The following AAK1 variants were observed in gnomAD, a reference collection of about 807,000 sequenced individuals.
The protein encoded by AAK1 is AP2 associated kinase 1, also known as AP2-associated protein kinase 1.
In AAK1, 37 loss-of-function variants were observed where a neutral mutation model predicts 116.0. The ratio of observed to expected loss-of-function variants is 0.32; its 90% CI spans 0.25 to 0.42. The LOEUF (loss-of-function observed/expected upper bound fraction) is 0.42. AAK1 is among the 10% of genes least tolerant of loss of function. The probability of loss-of-function intolerance (pLI) is 1.00; values close to 1 mark genes in which losing one functional copy is unlikely to be tolerated. For missense variants in AAK1, 919 were observed against 1,170.6 expected, an observed-to-expected ratio of 0.79 and a Z score of 3.14; for synonymous variants, 458 against 439.9, an observed-to-expected ratio of 1.04 and a Z score of -0.51.
intron 2 of AAK1, among the ~76,000 whole-genome samples, chr2:69,602,707 T>G (rs1673631761): frequency 6.6e-6 from 1 of 152,182 alleles, no homozygotes; most frequent in Admixed American, 6.5e-5. Flanking sequence ...CTTCCTCCTT[T>G]GATACTGCAG....
At chr2:69,482,883 A>T in intron 17 of AAK1, 71 bp from the exon 18 acceptor site, 1 of 932,196 alleles carries the variant, frequency 1.1e-6, no homozygotes, top group Admixed American at 2.1e-5. Flanking sequence ...ATCATTCACT[A>T]TTCTTTAAGC....
intron 2 of AAK1, among the ~76,000 whole-genome samples, chr2:69,592,739 C>T (rs546724143): frequency 2.6e-5 from 4 of 152,304 alleles, no homozygotes; most frequent in African/African-American, 9.6e-5. Context: ...CAGTTCTACC[C>T]TGAGATTCAC....
rs758565093 is a variant in AAK1, at chr2:69,527,299, G to A, written c.892C>T (p.Pro298Ser). The change falls in exon 9 of 22, where the codon CCT becomes TCT. Residue 298 changes from proline (P) to serine (S), a missense_variant. Coordinates refer to ENST00000409085, the MANE Select transcript of AAK1 (RefSeq NM_014911.5). ...CLIRYMLEPD[P>S]DKRPDIYQVS... ...TGGTAAATATCCGGCCTTTTGTCAG[G>A]GTCTGGTTCCAACATATACCCTAAG... The A allele has an allele frequency of 6.2e-7, 1 of 1,606,348 alleles. No homozygotes were observed. The highest frequency in any genetic ancestry group is 1.1e-5 in the South Asian group (1 of 89,460).
rs1399635877 is a variant in AAK1 at position 69,509,400 on chromosome 2, C to T, written c.1837G>A (p.Gly613Arg). The T allele has an allele frequency of 5.6e-6, 9 of 1,613,892 alleles. 1 individual carries two copies. In the South Asian group the frequency reaches 9.9e-5, roughly 18 times the overall value. The change falls in exon 14 of 22, where the codon GGG (glycine) becomes AGG (arginine). Residue 613 changes from glycine (G) to arginine (R), a missense_variant. Physicochemically the swap from Gly to Arg is moderately radical, Grantham distance 125. This residue lies in a region of AAK1 where 125 missense variants were observed against 184.1 expected (regional missense o/e 0.68). Transcript: ENST00000409085. ...GGAGTGAGAGATCCAACTTTCTGCC[C>T]CTGGACGGCAGGAGGTGGGGTTGTC... is the stretch of plus-strand genomic sequence containing the variant. Reference protein sequence around the residue: ...VQTTPPPAVQGQKVGSLTPPS... With the variant: ...VQTTPPPAVQRQKVGSLTPPS...
chr2:69,601,131 A>G (rs1344135285), intron 2 of AAK1, among the ~76,000 whole-genome samples: 2 of 152,112 alleles, frequency 1.3e-5, no homozygotes, highest in Non-Finnish European at 2.9e-5. Flanking sequence ...AAGTTGTGTG[A>G]CTCCCTTTAC....
chr2:69,616,828 T>C (rs1345372208), intron 2 of AAK1, among the ~76,000 whole-genome samples: 1 of 152,188 alleles, frequency 6.6e-6, no homozygotes, highest in Non-Finnish European at 1.5e-5. Context: ...TGTGACTCAT[T>C]GTTTCCTGCC....
chr2:69,634,725 A>G (rs1675372947), intron 2 of AAK1, among the ~76,000 whole-genome samples: 1 of 152,244 alleles, frequency 6.6e-6, no homozygotes, highest in Non-Finnish European at 1.5e-5. Flanking sequence ...TTTCATGAAG[A>G]CAGACTATTC....
intron 1 of AAK1, 70 bp from the exon 2 acceptor site, chr2:69,643,344 G>T: frequency 8.1e-7 from 1 of 1,238,062 alleles, no homozygotes; most frequent in Non-Finnish European, 1.0e-6. Flanking sequence ...CTGAGTCCTA[G>T]GGGGAGCAAA....
intron 3 of AAK1, among the ~76,000 whole-genome samples, chr2:69,549,633 G>A (rs13388011): frequency 6.6e-6 from 1 of 152,184 alleles, no homozygotes; most frequent in Non-Finnish European, 1.5e-5. Flanking sequence ...TATTAATGCA[G>A]CTAAACATTA....
Position 69,479,062 on chromosome 2 carries a change from C to A in AAK1, c.2570-1G>T. On this transcript the variant is annotated splice_acceptor_variant, in intron 19 of 21. Transcript: ENST00000409085. LOFTEE classifies it high-confidence loss of function. Reference sequence around the variant, plus strand: ...AGGGAATCTTCCCCGGTGAGAGAATCTGAGTCCAGATTAACAGCATCCCAG... The same window carrying A: ...AGGGAATCTTCCCCGGTGAGAGAATATGAGTCCAGATTAACAGCATCCCAG... The A allele has an allele frequency of 6.2e-7, 1 of 1,603,820 alleles. No homozygotes were observed. Among genetic ancestry groups the A allele is most frequent in the East Asian group, 2.2e-5 (1 of 44,808 alleles).
At chr2:69,542,913 C>T (rs1008726393) in intron 4 of AAK1, among the ~76,000 whole-genome samples, 1 of 152,172 alleles carries the variant, frequency 6.6e-6, no homozygotes, top group Admixed American at 6.5e-5. Flanking sequence ...CAGATGTGAG[C>T]TGCCCTCATT....
chr2:69,587,424 CAT>C (rs750721541), intron 2 of AAK1, among the ~76,000 whole-genome samples: 42 of 150,236 alleles, frequency 2.8e-4, no homozygotes, highest in Admixed American at 2.4e-3. Flanking sequence ...TATATATACA[CAT>C]ATATATACAT....
chr2:69,476,086 C>A (rs901565041), intron 21 of AAK1, 123 bp from the exon 22 acceptor site: 196 of 1,463,288 alleles, frequency 1.3e-4, no homozygotes, highest in Non-Finnish European at 1.5e-4. Context: ...ACCAAAAAAA[C>A]CAAACCCTAG....
intron 3 of AAK1, 105 bp from the exon 4 acceptor site, chr2:69,544,649 C>A: frequency 1.2e-6 from 1 of 805,326 alleles, no homozygotes; most frequent in Non-Finnish European, 2.0e-6. Flanking sequence ...AGAGATGATA[C>A]AGTGTTGACA....
At position 69,519,115 on chromosome 2, in the gene AAK1, GC is replaced by G; in HGVS notation, c.1335del (p.Pro446LeufsTer82). On this transcript the variant is annotated frameshift_variant, in exon 12 of 22. Transcript: ENST00000409085. LOFTEE classifies it high-confidence loss of function. ...QPQAPPTPQQ[T>X]PSTQAQGLPA... is the part of the protein sequence containing the mutation. ...GGCAGACCCTGGGCCTGAGTAGAAG[GC>G]GTCTGCTGTGGAGTGGGAGGAGCCT... is the stretch of plus-strand genomic sequence containing the variant. The G allele has an allele frequency of 1.3e-6, 2 of 1,556,608 alleles. No individual in the cohort carries two copies. Among genetic ancestry groups the G allele is most frequent in the Non-Finnish European group, 1.7e-6 (2 of 1,149,512 alleles).
chr2:69,562,387 T>TA (rs1442558583), intron 2 of AAK1, among the ~76,000 whole-genome samples: 7 of 152,224 alleles, frequency 4.6e-5, no homozygotes, highest in Non-Finnish European at 1.0e-4. Context: ...AAGGTTTTAA[T>TA]AAGCATAGGA....
intron 16 of AAK1, among the ~76,000 whole-genome samples, chr2:69,496,360 C>T (rs906844171): frequency 1.5e-5 from 2 of 129,430 alleles, no homozygotes; most frequent in Non-Finnish European, 3.1e-5. Flanking sequence ...GAAACCTCCG[C>T]CTCCCGGTTC....
chr2:69,537,056 G>A (rs1348320311), intron 5 of AAK1, among the ~76,000 whole-genome samples: 2 of 152,164 alleles, frequency 1.3e-5, no homozygotes, highest in Admixed American at 6.5e-5. Context: ...GTGAAAAACC[G>A]TGGTCTCCGT....
chr2:69,575,032 A>C (rs1477663982), intron 2 of AAK1, among the ~76,000 whole-genome samples: 3 of 152,090 alleles, frequency 2.0e-5, no homozygotes, highest in African/African-American at 4.8e-5. Flanking sequence ...AAAAAAAAAA[A>C]AAAACCACAC....
Sources: allele counts gnomAD v4.1 joint callset (sites outside exome capture counted in the v4.1 genomes callset), GRCh38; gene constraint gnomAD v4.1.1; regional missense constraint gnomAD v4.1.1; transcripts MANE v1.5; gene names NCBI Gene and HGNC (gene_info 2026-07-23, HGNC 2026-07-21).